The following DAB1 variants were observed in gnomAD, a reference collection of about 807,000 sequenced individuals.
The protein encoded by DAB1 is DAB adaptor protein 1, also known as disabled homolog 1.
Under a neutral mutation model 64.6 loss-of-function variants are expected in DAB1, and 15 were observed. That is an observed-to-expected ratio of 0.23 (90% confidence interval 0.16 to 0.36). The LOEUF (loss-of-function observed/expected upper bound fraction) is 0.36, where lower values mean the gene tolerates loss of function less well. DAB1 is among the 10% of genes least tolerant of loss of function. The probability of loss-of-function intolerance (pLI) is 1.00; values close to 1 mark genes in which losing one functional copy is unlikely to be tolerated. For synonymous variants in DAB1, 235 were observed against 251.9 expected, an observed-to-expected ratio of 0.93 and a Z score of 0.64; for missense variants, 596 against 706.7, an observed-to-expected ratio of 0.84 and a Z score of 1.78.
intron 4 of DAB1, among the ~76,000 whole-genome samples, chr1:58,282,182 C>T (rs1449317533): frequency 6.6e-6 from 1 of 152,166 alleles, no homozygotes; most frequent in African/African-American, 2.4e-5. Flanking sequence ...TTAAGTGTTT[C>T]TTCCCCAGAG....
At chr1:58,491,298 C>T (rs538369530) in intron 3 of DAB1, among the ~76,000 whole-genome samples, 9 of 152,176 alleles carry the variant, frequency 5.9e-5, no homozygotes, top group South Asian at 2.1e-4. Flanking sequence ...CGGTACCAGC[C>T]GCAGCAAAAA....
intron 6 of DAB1, among the ~76,000 whole-genome samples, chr1:57,650,407 C>T (rs928881011): frequency 2.0e-5 from 3 of 151,812 alleles, no homozygotes; most frequent in Non-Finnish European, 4.4e-5. Context: ...CCGGTATTTA[C>T]GTACAGGGAT....
chr1:57,900,322 G>T (rs1202838), intron 5 of DAB1, among the ~76,000 whole-genome samples: 88,172 of 152,076 alleles, frequency 0.58, 26,002 homozygotes, highest in African/African-American at 0.66. Context: ...GGTATTGGGT[G>T]GACCCAGGAG....
intron 4 of DAB1, among the ~76,000 whole-genome samples, chr1:58,183,255 T>G (rs960981648): frequency 1.3e-5 from 2 of 152,064 alleles, no homozygotes; most frequent in Non-Finnish European, 2.9e-5. Context: ...TTTACAAATC[T>G]GATACAGTTT....
At chr1:57,330,161 T>C (rs1181729036) in intron 1 of DAB1, among the ~76,000 whole-genome samples, 1 of 152,176 alleles carries the variant, frequency 6.6e-6, no homozygotes, top group Non-Finnish European at 1.5e-5. Flanking sequence ...ACAGCTGCAC[T>C]CCAGCTAATC....
Position 57,015,160 on chromosome 1 carries a change from G to T in DAB1, c.1167C>A (p.Thr389=), listed in dbSNP as rs773272378. The change falls in exon 12 of 15, where the codon ACC becomes ACA. Residue 389 remains threonine (T), a synonymous_variant. Coordinates refer to ENST00000371236, the MANE Select transcript of DAB1 (RefSeq NM_001365792.1). ...MFQGPLTPLA[T]VPGTSDSTRS... is the part of the protein sequence containing the mutation. Reference sequence around the variant, plus strand: ...TGGTGGAGTCACTCGTGCCTGGGACGGTGGCAAGGGGGGTGAGGGGACCTT... The same window carrying T: ...TGGTGGAGTCACTCGTGCCTGGGACTGTGGCAAGGGGGGTGAGGGGACCTT... The T allele has an allele frequency of 1.9e-6, 3 of 1,614,040 alleles. No homozygotes were observed. The highest frequency in any genetic ancestry group is 1.3e-5 in the African/African-American group (1 of 74,934).
intron 7 of DAB1, among the ~76,000 whole-genome samples, chr1:57,489,213 A>G (rs1188593353): frequency 6.6e-6 from 1 of 152,244 alleles, no homozygotes; most frequent in Non-Finnish European, 1.5e-5. Context: ...AGATCTGCAC[A>G]GATTATTTGT....
At chr1:57,419,260 G>A (rs1276493953) in intron 1 of DAB1, among the ~76,000 whole-genome samples, 1 of 152,226 alleles carries the variant, frequency 6.6e-6, no homozygotes, top group Admixed American at 6.5e-5. Flanking sequence ...CAAGAATCCT[G>A]AGTTGCGATG....
intron 3 of DAB1, among the ~76,000 whole-genome samples, chr1:58,451,757 AAC>A: frequency 6.6e-6 from 1 of 152,330 alleles, no homozygotes; most frequent in African/African-American, 2.4e-5. Flanking sequence ...AACAGAGGGA[AAC>A]ACAGTTAATG....
intron 4 of DAB1, among the ~76,000 whole-genome samples, chr1:58,311,223 C>A (rs1179603904): frequency 6.6e-6 from 1 of 152,186 alleles, no homozygotes; most frequent in Non-Finnish European, 1.5e-5. Flanking sequence ...GACCCCCTCA[C>A]TCTGTGCATG....
chr1:57,593,064 A>C (rs1645464465), intron 7 of DAB1, among the ~76,000 whole-genome samples: 1 of 152,168 alleles, frequency 6.6e-6, no homozygotes, highest in Non-Finnish European at 1.5e-5. Context: ...GTACGTTCAC[A>C]TTGTTGTGCA....
rs867945698 is a variant in DAB1, at chr1:57,929,335, T to G, written n.388-45173A>C. On this transcript the variant is annotated intron_variant and non_coding_transcript_variant, in intron 5 of 20. Transcript: ENST00000485760. The stretch of plus-strand genomic sequence containing the variant: ...TCTTGCATATTTTGGATAACAAATG[T>G]GTTTCAAATATGTTCATAAATGGAT... Among the ~76,000 whole-genome samples the G allele has an allele frequency of 2.0e-5, 3 of 152,370 alleles. 1 individual carries two copies. The Middle Eastern group carries it at 0.01, about 518-fold the overall frequency.
chr1:57,615,969 T>C (rs528802382), intron 7 of DAB1, among the ~76,000 whole-genome samples: 1 of 152,290 alleles, frequency 6.6e-6, no homozygotes, highest in South Asian at 2.1e-4. Flanking sequence ...TACCCACAGA[T>C]GGTCTTACTA....
chr1:57,183,444 T>A (rs866351891), intron 2 of DAB1, among the ~76,000 whole-genome samples: 18 of 152,220 alleles, frequency 1.2e-4, no homozygotes, highest in Middle Eastern at 3.4e-3. Context: ...GTTGCCACGA[T>A]TATGGGTTGA....
intron 5 of DAB1, among the ~76,000 whole-genome samples, chr1:58,147,221 C>T (rs1481582505): frequency 6.7e-6 from 1 of 149,974 alleles, no homozygotes; most frequent in Non-Finnish European, 1.5e-5. Context: ...GCAGGAGAAT[C>T]ACTTGAGCCT....
chr1:57,571,170 C>A (rs757510469), intron 7 of DAB1, among the ~76,000 whole-genome samples: 1 of 152,286 alleles, frequency 6.6e-6, no homozygotes, highest in Non-Finnish European at 1.5e-5. Flanking sequence ...TTGACTTCCT[C>A]TTTACTGATT....
chr1:57,909,436 T>C (rs1468075438), intron 5 of DAB1, among the ~76,000 whole-genome samples: 1 of 152,120 alleles, frequency 6.6e-6, no homozygotes, highest in Non-Finnish European at 1.5e-5. Context: ...TGCGAGAGAG[T>C]CATGAATGTG....
chr1:57,751,834 T>TATA (rs139378450), intron 6 of DAB1, among the ~76,000 whole-genome samples: 15 of 150,906 alleles, frequency 9.9e-5, no homozygotes, highest in Admixed American at 2.6e-4. Flanking sequence ...ATTCTTTACT[T>TATA]AATAAATAAA....
chr1:57,094,976 T>C (rs517412), intron 4 of DAB1, among the ~76,000 whole-genome samples: 85,274 of 152,020 alleles, frequency 0.56, 24,199 homozygotes, highest in South Asian at 0.66. Context: ...ACCTCATTCA[T>C]GTTGACTTTG....
Sources: allele counts gnomAD v4.1 joint callset (sites outside exome capture counted in the v4.1 genomes callset), GRCh38; gene constraint gnomAD v4.1.1; transcripts MANE v1.5; gene names NCBI Gene and HGNC (gene_info 2026-07-23, HGNC 2026-07-21).